The following NEDD4 variants were observed in gnomAD, a reference collection of about 807,000 sequenced individuals.
NEDD4 encodes the protein E3 ubiquitin-protein ligase NEDD4.
A neutral mutation model predicts 144.9 loss-of-function variants in NEDD4; 99 were observed. The observed-to-expected ratio is 0.68, with a 90% CI of 0.58 to 0.81. The LOEUF is 0.81. Ranked by LOEUF, NEDD4 falls within the 30% of genes least tolerant of loss-of-function variation. The pLI, the probability that NEDD4 is intolerant of heterozygous loss-of-function variation, is 0.00. For missense variants in NEDD4, 985 were observed against 1,065.9 expected, an observed-to-expected ratio of 0.92 and a Z score of 1.06; for synonymous variants, 318 against 350.6, an observed-to-expected ratio of 0.91 and a Z score of 1.04.
chr15:55,979,986 C>T (rs1490963325), intron 1 of NEDD4, among the ~76,000 whole-genome samples: 1 of 151,980 alleles, frequency 6.6e-6, no homozygotes, highest in Non-Finnish European at 1.5e-5. Context: ...TCTCGGCTCA[C>T]TGCAACCTCT....
chr15:55,961,673 G>A lies in NEDD4; in HGVS notation c.119+4800C>T, dbSNP rs185596644. ...TTTTAGTAGAGACAGGTTTCAAAGT[G>A]TTAGCCAGGATGGTCTCAATCTCCT... On this transcript the variant is annotated intron_variant, in intron 2 of 28. Coordinates refer to ENST00000435532, the MANE Select transcript of NEDD4 (RefSeq NM_006154.4). Among the ~76,000 whole-genome samples the A allele has an allele frequency of 3.3e-5, 5 of 152,182 alleles. No individual in the cohort carries two copies. The East Asian group carries it at 9.7e-4, about 29-fold the overall frequency.
chr15:55,924,870 C>G (rs981127373), intron 4 of NEDD4, among the ~76,000 whole-genome samples, 171 bp from the exon 5 acceptor site: 5 of 152,106 alleles, frequency 3.3e-5, no homozygotes, highest in Non-Finnish European at 7.4e-5. Context: ...GAGTTCGAGA[C>G]GAGCCTGGCC....
At chr15:55,966,654 T>C in intron 1 of NEDD4, 108 bp from the exon 2 acceptor site, 1 of 474,730 alleles carries the variant, frequency 2.1e-6, no homozygotes, top group Non-Finnish European at 3.6e-6. Context: ...TTAAAATTAA[T>C]TGAAGAATCT....
chr15:55,837,101 G>A (rs559647119), intron 24 of NEDD4, among the ~76,000 whole-genome samples: 31 of 152,210 alleles, frequency 2.0e-4, no homozygotes, highest in African/African-American at 5.1e-4. Context: ...GCTATATGTC[G>A]TCACATGTAA....
chr15:55,947,022 A>G (rs1240859610), intron 4 of NEDD4, among the ~76,000 whole-genome samples: 1 of 152,220 alleles, frequency 6.6e-6, no homozygotes, highest in African/African-American at 2.4e-5. Flanking sequence ...GTAGAGGGAA[A>G]TTTATAGCAC....
intron 1 of NEDD4, among the ~76,000 whole-genome samples, chr15:55,974,347 A>G (rs568175830): frequency 1.8e-4 from 27 of 152,318 alleles, no homozygotes; most frequent in Non-Finnish European, 2.5e-4. Context: ...TTTAAAGAAG[A>G]ATTAATACCA....
At chr15:55,863,336 C>T (rs1034428800) in intron 8 of NEDD4, among the ~76,000 whole-genome samples, 2 of 151,944 alleles carry the variant, frequency 1.3e-5, no homozygotes, top group Non-Finnish European at 2.9e-5. Flanking sequence ...TTTAAAGGCA[C>T]AAGCCTGTAA....
chr15:55,869,561 A>T lies in NEDD4; in HGVS notation c.507+18T>A. 2 of 1,488,802 alleles carry T rather than the reference A, an allele frequency of 1.3e-6. No homozygotes were observed. The highest frequency in any genetic ancestry group is 9.1e-7 in the Non-Finnish European group (1 of 1,098,080). 92.2% of individuals were successfully genotyped at this position (1,488,802 alleles called of 1,614,324 possible). A position where few individuals can be genotyped will look rare whatever the true frequency, so the allele number is the denominator to read the frequency against. ...ATTAAAATTTTTTTAGTTTAACCAA[A>T]TATTTATAAAATCTCACCTCTAATT... On this transcript the variant is annotated intron_variant, in intron 8 of 28. Transcript: ENST00000435532.
intron 5 of NEDD4, chr15:55,917,083 T>TA (rs1282375997): frequency 8.2e-7 from 1 of 1,220,224 alleles, no homozygotes; most frequent in Non-Finnish European, 1.0e-6. Context: ...TGCCTTCACT[T>TA]ACAAAGCACT....
chr15:55,873,845 AAGT>A, intron 6 of NEDD4, 110 bp downstream of exon 6: 1 of 464,270 alleles, frequency 2.2e-6, no homozygotes. Context: ...CAATAAATAA[AAGT>A]AGTATACATT....
intron 5 of NEDD4, chr15:55,916,732 A>T (rs1200810071): frequency 1.2e-5 from 19 of 1,613,940 alleles, no homozygotes; most frequent in Non-Finnish European, 1.6e-5. Flanking sequence ...CTTTTGAAGC[A>T]CATGTGAACA....
chr15:55,841,529 G>C (rs1038576181), intron 19 of NEDD4, among the ~76,000 whole-genome samples: 6 of 152,156 alleles, frequency 3.9e-5, no homozygotes, highest in Admixed American at 6.5e-5. Flanking sequence ...TGGGATGGCA[G>C]CACAACAATG....
intron 2 of NEDD4, among the ~76,000 whole-genome samples, chr15:55,955,622 T>C (rs2037322803): frequency 6.6e-6 from 1 of 152,122 alleles, no homozygotes; most frequent in Non-Finnish European, 1.5e-5. Context: ...GATTAATCCA[T>C]ATTGTCACAT....
At chr15:55,903,483 A>G (rs187995501) in intron 5 of NEDD4, among the ~76,000 whole-genome samples, 1 of 152,310 alleles carries the variant, frequency 6.6e-6, no homozygotes, top group African/African-American at 2.4e-5. Context: ...TGGCACATGA[A>G]GTATGCTGTT....
chr15:55,956,477 C>T (rs918006374), intron 2 of NEDD4, among the ~76,000 whole-genome samples: 1 of 152,022 alleles, frequency 6.6e-6, no homozygotes, highest in Admixed American at 6.6e-5. Flanking sequence ...TGGTAAGGAC[C>T]AAGATTCATT....
At chr15:55,908,673 C>T (rs2036177422) in intron 5 of NEDD4, among the ~76,000 whole-genome samples, 1 of 152,172 alleles carries the variant, frequency 6.6e-6, no homozygotes, top group Non-Finnish European at 1.5e-5. Flanking sequence ...TTTACATGCA[C>T]ATGAGAATTT....
intron 17 of NEDD4, 78 bp from the exon 18 acceptor site, chr15:55,847,112 A>G (rs1275781212): frequency 1.0e-6 from 1 of 956,676 alleles, no homozygotes. Flanking sequence ...GTTGTATTTT[A>G]TGAACGTAAG....
intron 5 of NEDD4, among the ~76,000 whole-genome samples, chr15:55,900,507 T>C (rs190575472): frequency 6.6e-6 from 1 of 152,288 alleles, no homozygotes; most frequent in African/African-American, 2.4e-5. Flanking sequence ...ATTTCGGCAA[T>C]TTTACCACCT....
intron 7 of NEDD4, among the ~76,000 whole-genome samples, 175 bp downstream of exon 7, chr15:55,872,240 G>A (rs1487871310): frequency 6.6e-6 from 1 of 151,556 alleles, no homozygotes; most frequent in Non-Finnish European, 1.5e-5. Context: ...TGTGCATACA[G>A]TACTTTTAAT....
Sources: gnomAD v4.1 joint callset for allele counts (sites outside exome capture counted in the v4.1 genomes callset) on GRCh38, gnomAD v4.1.1 for gene constraint, MANE v1.5 for transcripts, NCBI Gene and HGNC (gene_info 2026-07-23, HGNC 2026-07-21) for gene names.